RSU1: variants seen among roughly 807,000 people sequenced by gnomAD.
RSU1 encodes Ras suppressor protein 1.
In RSU1, 26 loss-of-function variants were observed where a neutral mutation model predicts 31.1. That is an observed-to-expected ratio of 0.84 (90% CI 0.61 to 1.16). The LOEUF (loss-of-function observed/expected upper bound fraction) is 1.16. Among genes scored for constraint, RSU1 ranks in the 50% most tolerant of loss-of-function variants. The pLI is 0.00. For synonymous variants in RSU1, 164 were observed against 136.3 expected (o/e 1.20, Z -1.41); for missense variants, 320 against 339.1 (o/e 0.94, Z 0.44).
At chr10:16,667,483 T>G (rs906932808) in intron 8 of RSU1, among the ~76,000 whole-genome samples, 7 of 152,194 alleles carry the variant, frequency 4.6e-5, no homozygotes, top group Non-Finnish European at 7.4e-5. Context: ...TTAACTCTAT[T>G]ATTTATTAAT....
chr10:16,800,593 G>T (rs1465494997), intron 2 of RSU1, among the ~76,000 whole-genome samples: 1 of 152,164 alleles, frequency 6.6e-6, no homozygotes, highest in East Asian at 1.9e-4. Context: ...AGAACAATGG[G>T]ATAATTACAA....
At chr10:16,781,517 CAAAG>C (rs1304704092) in intron 3 of RSU1, among the ~76,000 whole-genome samples, 10 of 152,162 alleles carry the variant, frequency 6.6e-5, no homozygotes, top group African/African-American at 2.4e-4. Flanking sequence ...TAAATGAAAA[CAAAG>C]AACTTGTTCT....
chr10:16,781,451 A>G (rs1440733231), intron 3 of RSU1, among the ~76,000 whole-genome samples: 5 of 152,218 alleles, frequency 3.3e-5, no homozygotes, highest in Non-Finnish European at 7.3e-5. Context: ...TCCTCCATCA[A>G]GCAGGGACAG....
At chr10:16,789,200 A>C (rs1017754187) in intron 2 of RSU1, among the ~76,000 whole-genome samples, 2 of 152,182 alleles carry the variant, frequency 1.3e-5, no homozygotes, top group African/African-American at 4.8e-5. Context: ...AAAGTTTAAA[A>C]GTTGTGTTTT....
intron 7 of RSU1, among the ~76,000 whole-genome samples, chr10:16,739,786 T>C (rs571692864): frequency 6.6e-6 from 1 of 152,226 alleles, no homozygotes; most frequent in Admixed American, 6.5e-5. Context: ...TAATTTTGTA[T>C]TTTTTGTTGA....
At chr10:16,692,637 AAAG>A (rs150223804) in intron 8 of RSU1, among the ~76,000 whole-genome samples, 45 of 152,368 alleles carry the variant, frequency 3.0e-4, no homozygotes, top group Middle Eastern at 3.4e-3. Flanking sequence ...AACAATTTAC[AAAG>A]AAGAAGATAA....
intron 3 of RSU1, among the ~76,000 whole-genome samples, chr10:16,780,212 T>C (rs535577725): frequency 7.2e-5 from 11 of 152,244 alleles, no homozygotes; most frequent in Non-Finnish European, 1.3e-4. Flanking sequence ...ATCTGAAAGA[T>C]GTTTTTAAAG....
chr10:16,705,678 T>C (rs1378366780), intron 7 of RSU1, among the ~76,000 whole-genome samples: 1 of 152,066 alleles, frequency 6.6e-6, no homozygotes, highest in African/African-American at 2.4e-5. Flanking sequence ...TTAGTAGAGA[T>C]GGGGTTTCAC....
At chr10:16,797,443 G>A (rs1838060495) in intron 2 of RSU1, among the ~76,000 whole-genome samples, 1 of 152,156 alleles carries the variant, frequency 6.6e-6, no homozygotes, top group Non-Finnish European at 1.5e-5. Context: ...CTAGAACTAA[G>A]CCTTCCTCTG....
At chr10:16,812,658 C>A (rs2131280737) in intron 2 of RSU1, among the ~76,000 whole-genome samples, 1 of 152,080 alleles carries the variant, frequency 6.6e-6, no homozygotes, top group Non-Finnish European at 1.5e-5. Flanking sequence ...AGACCACTCC[C>A]TTGAAAGCAG....
chr10:16,695,163 G>GGGA lies in RSU1; in HGVS notation c.599-9_599-8insTCC. On this transcript the variant is annotated splice_polypyrimidine_tract_variant and intron_variant, in intron 7 of 8. Coordinates refer to ENST00000345264, the MANE Select transcript of RSU1 (RefSeq NM_012425.4). ...CAGTTAAATCCAAGTTTCCTGGGGG[G>GGGA]GGGGAAAAAAAAAGTGAAGGTCACT... The GGGA allele has an allele frequency of 6.8e-7, 1 of 1,472,932 alleles. No homozygotes were observed. The highest frequency in any genetic ancestry group is 9.1e-7 in the Non-Finnish European group (1 of 1,095,038). The allele number at this position is 1,472,932 out of a possible 1,614,324, so 91.2% of individuals were successfully genotyped here.
intron 8 of RSU1, among the ~76,000 whole-genome samples, chr10:16,683,625 A>G (rs1220247646): frequency 1.3e-5 from 2 of 152,194 alleles, no homozygotes; most frequent in East Asian, 3.9e-4. Flanking sequence ...CCTCCTAACA[A>G]AAAGAGGAGA....
chr10:16,657,921 C>T (rs995329609), intron 8 of RSU1, among the ~76,000 whole-genome samples: 29 of 152,052 alleles, frequency 1.9e-4, no homozygotes, highest in Admixed American at 3.9e-4. Flanking sequence ...AACTGGGAGG[C>T]GGAGGTTGCA....
At chr10:16,745,853 G>C (rs1361271487) in intron 7 of RSU1, among the ~76,000 whole-genome samples, 1 of 152,138 alleles carries the variant, frequency 6.6e-6, no homozygotes, top group African/African-American at 2.4e-5. Context: ...TTTAAAAAAC[G>C]TTTTAAACCT....
At chr10:16,665,227 G>A (rs1478174844) in intron 8 of RSU1, among the ~76,000 whole-genome samples, 2 of 152,152 alleles carry the variant, frequency 1.3e-5, no homozygotes, top group Non-Finnish European at 2.9e-5. Flanking sequence ...TTACAGGCAT[G>A]AGCCACCACA....
intron 8 of RSU1, among the ~76,000 whole-genome samples, chr10:16,596,194 G>GT (rs1191956551): frequency 6.6e-6 from 1 of 152,114 alleles, no homozygotes; most frequent in African/African-American, 2.4e-5. Context: ...AGATACCTGT[G>GT]TTCAAGTCCT....
At chr10:16,681,816 A>C (rs1222812276) in intron 8 of RSU1, among the ~76,000 whole-genome samples, 10 of 152,204 alleles carry the variant, frequency 6.6e-5, no homozygotes. Flanking sequence ...GTTTTTTAAA[A>C]ATGTTATTTT....
intron 7 of RSU1, among the ~76,000 whole-genome samples, chr10:16,741,079 CTAAAGA>C (rs1298919155): frequency 2.6e-5 from 4 of 152,112 alleles, no homozygotes; most frequent in African/African-American, 7.2e-5. Context: ...AGCAACAGTA[CTAAAGA>C]TAGTGTGGTA....
intron 5 of RSU1, among the ~76,000 whole-genome samples, chr10:16,753,517 A>C (rs1256377945): frequency 6.6e-6 from 1 of 152,210 alleles, no homozygotes; most frequent in African/African-American, 2.4e-5. Flanking sequence ...CATCAGTTCC[A>C]TAATCTGACT....
Sources: gnomAD v4.1 joint callset for allele counts (sites outside exome capture counted in the v4.1 genomes callset) on GRCh38, gnomAD v4.1.1 for gene constraint, MANE v1.5 for transcripts, NCBI Gene and HGNC (gene_info 2026-07-23, HGNC 2026-07-21) for gene names.